PLD5: variants seen among roughly 807,000 people sequenced by gnomAD.
PLD5 encodes the protein inactive phospholipase D5.
In PLD5, 36 loss-of-function variants were observed where a neutral mutation model predicts 61.1. The ratio of observed to expected loss-of-function variants is 0.59; its 90% CI spans 0.45 to 0.78. The LOEUF is 0.78. Ranked by LOEUF, PLD5 falls within the 30% of genes least tolerant of loss-of-function variation. The pLI, the probability that PLD5 is intolerant of heterozygous loss-of-function variation, is 0.00. For missense variants in PLD5, 515 were observed against 644.4 expected (o/e 0.80, Z 2.17); for synonymous variants, 243 against 242.8 (o/e 1.00, Z -0.01).
At chr1:242,364,171 C>T (rs967936787) in intron 1 of PLD5, among the ~76,000 whole-genome samples, 8 of 151,920 alleles carry the variant, frequency 5.3e-5, no homozygotes, top group African/African-American at 1.7e-4. Flanking sequence ...GCTAACAGAA[C>T]TTGAAGAGAA....
At chr1:242,382,067 G>A (rs534884461) in intron 1 of PLD5, among the ~76,000 whole-genome samples, 4 of 150,012 alleles carry the variant, frequency 2.7e-5, no homozygotes, top group African/African-American at 9.8e-5. Flanking sequence ...AGAGGGAAAG[G>A]AGAAACAGTG....
At chr1:242,433,115 T>G (rs1412842885) in intron 1 of PLD5, among the ~76,000 whole-genome samples, 1 of 152,236 alleles carries the variant, frequency 6.6e-6, no homozygotes, top group Non-Finnish European at 1.5e-5. Flanking sequence ...GAGCCTGTAT[T>G]CTGCAGGAAT....
intron 1 of PLD5, among the ~76,000 whole-genome samples, chr1:242,362,603 C>T (rs1164932578): frequency 1.3e-5 from 2 of 152,068 alleles, no homozygotes; most frequent in African/African-American, 4.8e-5. Flanking sequence ...AAGCACGTCA[C>T]CCAGTAGACC....
rs773778605 is a variant in PLD5 at position 242,086,245 on chromosome 1, CAA to C, written c.*3607_*3608del. 5.3e-5 allele frequency: 8 copies of C among 152,136 alleles called. No homozygotes were observed. The highest frequency in any genetic ancestry group is 1.2e-4 in the Non-Finnish European group (8 of 68,042). 9.4% of individuals were successfully genotyped at this position (152,136 alleles called of 1,614,324 possible). ...AATGGTGCCCAGAGTTACACAGGTGCAAAGTGTATCCGCAGACCTTTTGTTTC... is the reference window on the plus strand; with the variant it reads ...AATGGTGCCCAGAGTTACACAGGTGCAGTGTATCCGCAGACCTTTTGTTTC... On this transcript the variant is annotated 3_prime_UTR_variant, in exon 10 of 10. Transcript: ENST00000536534.
intron 1 of PLD5, among the ~76,000 whole-genome samples, chr1:242,475,939 C>A (rs1667583038): frequency 6.6e-6 from 1 of 152,130 alleles, no homozygotes; most frequent in Admixed American, 6.5e-5. Flanking sequence ...GGAAATCAAC[C>A]CTGCTGCCAC....
intron 3 of PLD5, among the ~76,000 whole-genome samples, chr1:242,265,902 A>G (rs573413090): frequency 1.3e-5 from 2 of 152,350 alleles, no homozygotes; most frequent in East Asian, 1.9e-4. Flanking sequence ...TATTTACTTC[A>G]AAAGGTTTTT....
At chr1:242,179,795 CG>C (rs1558311824) in intron 5 of PLD5, among the ~76,000 whole-genome samples, 1 of 152,130 alleles carries the variant, frequency 6.6e-6, no homozygotes, top group African/African-American at 2.4e-5. Context: ...CCCAGCTACT[CG>C]GGAGGCTGAG....
intron 2 of PLD5, among the ~76,000 whole-genome samples, chr1:242,339,079 C>T (rs186748961): frequency 6.6e-6 from 1 of 152,208 alleles, no homozygotes; most frequent in East Asian, 1.9e-4. Flanking sequence ...TATCTTCTCT[C>T]ATAATTCTCG....
intron 9 of PLD5, among the ~76,000 whole-genome samples, chr1:242,094,709 G>A (rs1416486268): frequency 6.6e-6 from 1 of 152,056 alleles, no homozygotes; most frequent in Non-Finnish European, 1.5e-5. Flanking sequence ...AATCAATATT[G>A]CCTAAAGATA....
chr1:242,194,661 T>TCTATCTAA (rs1668518975), intron 5 of PLD5, among the ~76,000 whole-genome samples: 1 of 148,168 alleles, frequency 6.7e-6, no homozygotes. Context: ...TATCTATCTA[T>TCTATCTAA]CTATCTACCT....
At chr1:242,204,082 GA>G (rs34742543) in intron 5 of PLD5, among the ~76,000 whole-genome samples, 100,816 of 144,636 alleles carry the variant, frequency 0.7, 34,888 homozygotes, top group East Asian at 0.92. Context: ...TAAAAATACA[GA>G]AAAAAAAAAA....
At chr1:242,486,710 G>T (rs1572228235) in intron 1 of PLD5, among the ~76,000 whole-genome samples, 1 of 152,034 alleles carries the variant, frequency 6.6e-6, no homozygotes, top group South Asian at 2.1e-4. Context: ...CCCATTACTG[G>T]GTATATACCC....
chr1:242,515,393 A>G (rs933074388), intron 1 of PLD5, among the ~76,000 whole-genome samples: 1 of 152,062 alleles, frequency 6.6e-6, no homozygotes, highest in Non-Finnish European at 1.5e-5. Flanking sequence ...TTTTGTATTT[A>G]GTAGAGATGA....
chr1:242,158,219 A>G (rs964531244), intron 5 of PLD5, among the ~76,000 whole-genome samples: 1 of 152,114 alleles, frequency 6.6e-6, no homozygotes, highest in Non-Finnish European at 1.5e-5. Flanking sequence ...TGAGAATTTC[A>G]AGGCATTAGA....
chr1:242,122,481 T>A (rs1004366218), intron 6 of PLD5, among the ~76,000 whole-genome samples: 2 of 152,208 alleles, frequency 1.3e-5, no homozygotes, highest in Non-Finnish European at 2.9e-5. Context: ...ACGCTTGGCA[T>A]GTAGTGTCAC....
intron 5 of PLD5, among the ~76,000 whole-genome samples, chr1:242,213,861 GT>G (rs200294841): frequency 2.5e-3 from 350 of 142,314 alleles, no homozygotes; most frequent in African/African-American, 7.1e-3. Context: ...TCTAGAATGG[GT>G]TTTTTTTTTT....
chr1:242,215,807 C>T (rs887460471), intron 5 of PLD5, among the ~76,000 whole-genome samples: 1 of 152,210 alleles, frequency 6.6e-6, no homozygotes, highest in African/African-American at 2.4e-5. Flanking sequence ...TGAGCGAATC[C>T]TGCTCTGGAC....
chr1:242,244,139 G>A (rs1434599422), intron 4 of PLD5, among the ~76,000 whole-genome samples: 2 of 152,164 alleles, frequency 1.3e-5, no homozygotes, highest in Non-Finnish European at 2.9e-5. Flanking sequence ...GTTGGGCAGG[G>A]AATATCTTGG....
At chr1:242,485,249 G>C (rs576921474) in intron 1 of PLD5, among the ~76,000 whole-genome samples, 1 of 152,194 alleles carries the variant, frequency 6.6e-6, no homozygotes, top group African/African-American at 2.4e-5. Context: ...TATTCAATTA[G>C]GAAAAAAGGA....
Sources: allele counts gnomAD v4.1 joint callset (sites outside exome capture counted in the v4.1 genomes callset), GRCh38; gene constraint gnomAD v4.1.1; transcripts MANE v1.5; gene names NCBI Gene and HGNC (gene_info 2026-07-23, HGNC 2026-07-21).